RBFOX1: variants seen among roughly 807,000 people sequenced by gnomAD.
The protein encoded by RBFOX1 is RNA binding fox-1 homolog 1.
A neutral mutation model predicts 57.7 loss-of-function variants in RBFOX1; 8 were observed. That is an observed-to-expected ratio of 0.14 (90% CI 0.08 to 0.25). The LOEUF (loss-of-function observed/expected upper bound fraction) is 0.25, where lower values mean the gene tolerates loss of function less well. Ranked by LOEUF, RBFOX1 falls within the 10% of genes least tolerant of loss-of-function variation. The pLI, the probability that RBFOX1 is intolerant of heterozygous loss-of-function variation, is 1.00. For missense variants in RBFOX1, 611 were observed against 548.5 expected (o/e 1.11, Z -1.14); for synonymous variants, 326 against 222.4 (o/e 1.47, Z -4.15).
chr16:6,974,356 T>C (rs1228773277), intron 3 of RBFOX1, among the ~76,000 whole-genome samples: 1 of 135,032 alleles, frequency 7.4e-6, no homozygotes, highest in African/African-American at 2.8e-5. Context: ...TTTTTTTTTT[T>C]TTTTTTGCGA....
intron 1 of RBFOX1, among the ~76,000 whole-genome samples, chr16:5,454,501 A>T (rs1481382264): frequency 6.6e-6 from 1 of 152,180 alleles, no homozygotes; most frequent in Non-Finnish European, 1.5e-5. Flanking sequence ...GTGGTGAGTA[A>T]AGTAAATTGC....
intron 10 of RBFOX1, among the ~76,000 whole-genome samples, chr16:7,626,200 G>T (rs1255647658): frequency 6.6e-6 from 1 of 152,220 alleles, no homozygotes; most frequent in Non-Finnish European, 1.5e-5. Flanking sequence ...TCCTCACTTA[G>T]GGGGTTGGCA....
At chr16:7,589,912 GGTGTGTGTGTGTGTGT>G (rs3029164) in intron 7 of RBFOX1, among the ~76,000 whole-genome samples, 7 of 134,942 alleles carry the variant, frequency 5.2e-5, no homozygotes, top group Non-Finnish European at 7.8e-5. Context: ...GTGTGTGCTG[GGTGTGTGTGTGTGTGT>G]GTGTGTGTGT....
intron 3 of RBFOX1, among the ~76,000 whole-genome samples, chr16:6,933,090 A>T (rs568290278): frequency 2.0e-5 from 3 of 152,188 alleles, no homozygotes; most frequent in Non-Finnish European, 4.4e-5. Flanking sequence ...CTGTCTAAGG[A>T]TGAATTACAT....
At chr16:6,628,919 A>G (rs944349266) in intron 2 of RBFOX1, among the ~76,000 whole-genome samples, 6 of 152,172 alleles carry the variant, frequency 3.9e-5, no homozygotes, top group African/African-American at 1.4e-4. Context: ...AGTCCCAGCT[A>G]CTAGGGAGGC....
At chr16:5,574,089 G>T (rs2046375765) in intron 2 of RBFOX1, among the ~76,000 whole-genome samples, 1 of 152,224 alleles carries the variant, frequency 6.6e-6, no homozygotes, top group Admixed American at 6.5e-5. Flanking sequence ...GTTGCTTTTG[G>T]TGGAAGGTGG....
chr16:5,240,156 C>T (rs963379542), intron 1 of RBFOX1: 307 of 1,250,094 alleles, frequency 2.5e-4, no homozygotes, highest in Non-Finnish European at 3.2e-4. Flanking sequence ...GCGGGGGTGC[C>T]GGAGACGCGG....
At chr16:7,011,756 C>T (rs778817703) in intron 3 of RBFOX1, among the ~76,000 whole-genome samples, 93 of 152,252 alleles carry the variant, frequency 6.1e-4, no homozygotes, top group Middle Eastern at 3.4e-3. Context: ...CCTCGTGATC[C>T]GCCTGCCTTG....
intron 2 of RBFOX1, among the ~76,000 whole-genome samples, chr16:6,404,894 G>A (rs955987905): frequency 9.9e-5 from 15 of 152,214 alleles, no homozygotes; most frequent in African/African-American, 3.4e-4. Flanking sequence ...ATGGAAGGAA[G>A]AAGCCTGGCT....
In RBFOX1 at chr16:5,392,655, T is replaced by C. The variant is rs541083866; in HGVS notation, c.220-74561T>C. Among the ~76,000 whole-genome samples, 14 of 152,118 alleles carry C rather than the reference T, an allele frequency of 9.2e-5. No homozygotes were observed. The East Asian group carries it at 1.7e-3, about 19-fold the overall frequency. ...CTGGGTTGAAGTGATCCTCCTCCTA[T>C]GTCCAAGGAGATTTTTGAAGCTTCT... On this transcript the variant is annotated intron_variant, in intron 1 of 2. Coordinates refer to the RBFOX1 transcript ENST00000585867.
intron 4 of RBFOX1, among the ~76,000 whole-genome samples, chr16:7,241,452 A>G (rs1336872379): frequency 6.6e-6 from 1 of 152,114 alleles, no homozygotes; most frequent in Non-Finnish European, 1.5e-5. Context: ...GTTTAATTAA[A>G]CCCTTTGGTT....
At chr16:6,108,364 T>C (rs572490378) in intron 1 of RBFOX1, among the ~76,000 whole-genome samples, 2 of 152,194 alleles carry the variant, frequency 1.3e-5, no homozygotes, top group East Asian at 1.9e-4. Context: ...TTCTGTGAAA[T>C]AGAGATACTA....
intron 3 of RBFOX1, among the ~76,000 whole-genome samples, chr16:6,743,342 A>C (rs2072752506): frequency 6.6e-6 from 1 of 152,210 alleles, no homozygotes; most frequent in Admixed American, 6.5e-5. Context: ...TTAAATATTA[A>C]TGTTCTAAAT....
intron 11 of RBFOX1, among the ~76,000 whole-genome samples, chr16:7,642,404 G>C (rs2062982531): frequency 6.6e-6 from 1 of 152,252 alleles, no homozygotes; most frequent in South Asian, 2.1e-4. Context: ...CTATGGCTGG[G>C]ACTGAAATGA....
intron 2 of RBFOX1, among the ~76,000 whole-genome samples, chr16:6,641,995 G>A (rs2098495067): frequency 6.6e-6 from 1 of 152,044 alleles, no homozygotes. Flanking sequence ...AAAGCACCAG[G>A]GATTATCCAG....
intron 4 of RBFOX1, among the ~76,000 whole-genome samples, chr16:7,096,422 AG>A (rs1206889305): frequency 6.6e-6 from 1 of 152,176 alleles, no homozygotes; most frequent in Non-Finnish European, 1.5e-5. Context: ...GGCAACCACT[AG>A]TAGCTTCTGG....
At chr16:7,253,888 C>A (rs1471532221) in intron 4 of RBFOX1, among the ~76,000 whole-genome samples, 6 of 152,094 alleles carry the variant, frequency 3.9e-5, no homozygotes, top group Admixed American at 6.5e-5. Context: ...ATATTTTGTT[C>A]GTTCATTACC....
chr16:7,058,247 G>T (rs1182754755), intron 4 of RBFOX1, among the ~76,000 whole-genome samples: 2 of 152,118 alleles, frequency 1.3e-5, no homozygotes, highest in African/African-American at 4.8e-5. Context: ...TTGTCTCTCT[G>T]TGGTTTTTAT....
chr16:6,520,377 G>T (rs547772959), intron 2 of RBFOX1, among the ~76,000 whole-genome samples: 6 of 152,112 alleles, frequency 3.9e-5, no homozygotes, highest in African/African-American at 1.2e-4. Context: ...GGGTCCTAAT[G>T]AGGTTGTGTT....
Sources: allele counts gnomAD v4.1 joint callset (sites outside exome capture counted in the v4.1 genomes callset), GRCh38; gene constraint gnomAD v4.1.1; transcripts MANE v1.5; gene names NCBI Gene and HGNC (gene_info 2026-07-23, HGNC 2026-07-21).